Variants in DNAH14 observed in about 807,000 individuals in gnomAD.
DNAH14 encodes axonemal beta dynein heavy chain 14.
Under a neutral mutation model 520.9 loss-of-function variants are expected in DNAH14, and 478 were observed. The ratio of observed to expected loss-of-function variants is 0.92; its 90% CI spans 0.85 to 0.99. DNAH14 has a LOEUF of 0.99. DNAH14 is among the 50% of genes least tolerant of loss of function. The pLI, the probability that DNAH14 is intolerant of heterozygous loss-of-function variation, is 0.00. For synonymous variants in DNAH14, 1,581 were observed against 1,757.2 expected (o/e 0.90, Z 2.51); for missense variants, 4,831 against 5,234.5 (o/e 0.92, Z 2.38).
rs903176711 is a variant in DNAH14 at position 225,100,698 on chromosome 1, A to AT, written c.3696-7dup. On this transcript the variant is annotated splice_polypyrimidine_tract_variant and intron_variant, in intron 22 of 85. Coordinates refer to ENST00000682510, the MANE Select transcript of DNAH14 (RefSeq NM_001367479.1). Reference sequence around the variant, plus strand: ...CTTAAAAAAAATAAAATGACATCTAATTTTTTTTCTAAAGGCAACTCCCAG... The same window carrying AT: ...CTTAAAAAAAATAAAATGACATCTAATTTTTTTTTCTAAAGGCAACTCCCAG... 1.3e-5 allele frequency: 19 copies of AT among 1,465,488 alleles called. No individual in the cohort carries two copies. Among genetic ancestry groups the AT allele is most frequent in the Admixed American group, 9.1e-5 (3 of 32,874 alleles). 90.8% of individuals were successfully genotyped at this position (1,465,488 alleles called of 1,614,324 possible).
chr1:225,006,837 C>T (rs886406046), intron 9 of DNAH14, among the ~76,000 whole-genome samples: 18 of 152,260 alleles, frequency 1.2e-4, no homozygotes, highest in African/African-American at 3.6e-4. Flanking sequence ...TACACTCCCT[C>T]CCCTTTTGAA....
chr1:225,216,442 G>T (rs2089338926), intron 41 of DNAH14, among the ~76,000 whole-genome samples: 1 of 152,180 alleles, frequency 6.6e-6, no homozygotes, highest in African/African-American at 2.4e-5. Flanking sequence ...ATGTTGGCCT[G>T]CCTTGCTAGG....
chr1:225,269,873 T>A (rs1472173278), intron 49 of DNAH14, among the ~76,000 whole-genome samples: 2 of 152,170 alleles, frequency 1.3e-5, no homozygotes, highest in Non-Finnish European at 2.9e-5. Context: ...ACACTGTTGG[T>A]GGGACGTAAA....
rs2065888487 is a variant in DNAH14 at position 225,023,715 on chromosome 1, C to T, written c.1208C>T (p.Thr403Ile). 10 of 1,550,766 alleles carry T rather than the reference C, an allele frequency of 6.4e-6. No homozygotes were observed. Among genetic ancestry groups the T allele is most frequent in the Non-Finnish European group, 8.7e-6 (10 of 1,146,508 alleles). The part of the protein sequence containing the change: ...KLPKYRRLLE[T>I]FFKFVMLVDY... ...CCTAAATATAGACGTTTATTAGAAA[C>T]ATTTTTCAAGTTTGTAATGCTGGTT... Residue 403 changes from threonine to isoleucine, a missense_variant, in exon 11 of 86, where the codon ACA (threonine) becomes ATA (isoleucine). Transcript: ENST00000682510.
chr1:225,342,836 G>A (rs1488258181), intron 69 of DNAH14, among the ~76,000 whole-genome samples: 1 of 151,966 alleles, frequency 6.6e-6, no homozygotes, highest in African/African-American at 2.4e-5. Context: ...GGGATGCCAT[G>A]GGTCCCACCC....
chr1:224,970,595 A>C (rs2061449177), intron 7 of DNAH14, among the ~76,000 whole-genome samples: 1 of 152,020 alleles, frequency 6.6e-6, no homozygotes, highest in Admixed American at 6.6e-5. Context: ...CCAGCTTTAA[A>C]ATTTCTCTCT....
intron 84 of DNAH14, chr1:225,397,908 G>A (rs6426071): frequency 0.51 from 77,389 of 151,520 alleles, 22,145 homozygotes; most frequent in East Asian, 0.74. Flanking sequence ...TTAGGCGGGC[G>A]TGGTGGTGTG....
intron 76 of DNAH14, among the ~76,000 whole-genome samples, chr1:225,365,898 C>CA (rs2095547371): frequency 6.6e-6 from 1 of 152,158 alleles, no homozygotes; most frequent in African/African-American, 2.4e-5. Flanking sequence ...TCTCCATCAG[C>CA]ATTTTAAATG....
chr1:225,068,562 A>T (rs2071183970), intron 17 of DNAH14, among the ~76,000 whole-genome samples: 1 of 152,196 alleles, frequency 6.6e-6, no homozygotes, highest in Admixed American at 6.5e-5. Flanking sequence ...CACAATACTG[A>T]TTCTTCCTAT....
chr1:225,006,595 T>C (rs1176794889), intron 9 of DNAH14, among the ~76,000 whole-genome samples: 3 of 152,180 alleles, frequency 2.0e-5, no homozygotes, highest in Non-Finnish European at 4.4e-5. Flanking sequence ...GCCCTCAGGC[T>C]TGCTAGGATT....
intron 56 of DNAH14, 96 bp from the exon 57 acceptor site, chr1:225,303,060 A>G: frequency 1.1e-6 from 1 of 945,052 alleles, no homozygotes; most frequent in Non-Finnish European, 1.5e-6. Flanking sequence ...CCACTAAGGA[A>G]AGATCTGAAA....
intron 66 of DNAH14, 80 bp from the exon 67 acceptor site, chr1:225,337,186 G>A: frequency 4.4e-6 from 5 of 1,136,412 alleles, no homozygotes; most frequent in Non-Finnish European, 6.3e-6. Context: ...TGATTCTGTA[G>A]GATCTTTTAG....
chr1:225,304,091 G>A (rs2094193736), intron 57 of DNAH14, among the ~76,000 whole-genome samples: 1 of 152,142 alleles, frequency 6.6e-6, no homozygotes, highest in South Asian at 2.1e-4. Flanking sequence ...ATCAGGACTA[G>A]GTTATGTCTA....
At chr1:225,276,578 T>C (rs1038827911) in intron 53 of DNAH14, among the ~76,000 whole-genome samples, 1 of 152,038 alleles carries the variant, frequency 6.6e-6, no homozygotes, top group Non-Finnish European at 1.5e-5. Context: ...CTACCACTTA[T>C]CCTACTTGCC....
At chr1:225,002,539 A>T (rs996942486) in intron 8 of DNAH14, among the ~76,000 whole-genome samples, 2 of 152,106 alleles carry the variant, frequency 1.3e-5, no homozygotes, top group Non-Finnish European at 2.9e-5. Context: ...GCATAACAGA[A>T]TGTCATTACT....
chr1:225,252,211 A>G (rs776403296), intron 43 of DNAH14, 90 bp from the exon 44 acceptor site: 1 of 763,916 alleles, frequency 1.3e-6, no homozygotes, highest in Non-Finnish European at 2.3e-6. Context: ...TTGTTCAACA[A>G]TCAGATCTTT....
Position 225,038,822 on chromosome 1 carries a change from AG to A in DNAH14, c.1488+1del. The A allele has an allele frequency of 6.7e-7, 1 of 1,482,528 alleles. No individual in the cohort carries two copies. Among genetic ancestry groups the A allele is most frequent in the Non-Finnish European group, 8.9e-7 (1 of 1,118,282 alleles). 91.8% of individuals were successfully genotyped at this position (1,482,528 alleles called of 1,614,324 possible). ...GTAAAAACAGACACTGATATTAATG[AG>A]GTAAAATGATCTTTGAAAAATATAA... ...SEVKTDTDIN[E>X]ILNSVEVGKD... On this transcript the variant is annotated frameshift_variant and splice_region_variant, in exon 12 of 86. Coordinates refer to ENST00000682510, the MANE Select transcript of DNAH14 (RefSeq NM_001367479.1). LOFTEE classifies it high-confidence loss of function.
chr1:225,238,099 C>A (rs141704841), intron 42 of DNAH14, among the ~76,000 whole-genome samples: 2 of 152,186 alleles, frequency 1.3e-5, no homozygotes, highest in African/African-American at 4.8e-5. Context: ...TACCCACATT[C>A]TGAAGCTTAC....
rs528683731 is a variant in DNAH14 at position 225,060,253 on chromosome 1, T to C, written c.2424+8458T>C. Reference sequence around the variant, plus strand: ...TCTCTAAACTTCTCTTCTTACTTCATTGCATTCATTTGATCTTCCATCACT... The same window carrying C: ...TCTCTAAACTTCTCTTCTTACTTCACTGCATTCATTTGATCTTCCATCACT... On this transcript the variant is annotated intron_variant, in intron 17 of 85. Coordinates refer to ENST00000682510, the MANE Select transcript of DNAH14 (RefSeq NM_001367479.1). Among the ~76,000 whole-genome samples, 21 of 152,330 alleles carry C rather than the reference T, an allele frequency of 1.4e-4. No individual in the cohort carries two copies. In the South Asian group the frequency reaches 4.4e-3, roughly 32 times the overall value.
Sources: allele counts gnomAD v4.1 joint callset (sites outside exome capture counted in the v4.1 genomes callset), GRCh38; gene constraint gnomAD v4.1.1; transcripts MANE v1.5; gene names NCBI Gene and HGNC (gene_info 2026-07-23, HGNC 2026-07-21).